The following SYTL2 variants were observed in gnomAD, a reference collection of about 807,000 sequenced individuals.
SYTL2 encodes the protein synaptotagmin-like protein 2.
In SYTL2, 165 loss-of-function variants were observed where a neutral mutation model predicts 198.7. That is an observed-to-expected ratio of 0.83 (90% CI 0.73 to 0.94). The LOEUF (loss-of-function observed/expected upper bound fraction) is 0.94, where lower values mean the gene tolerates loss of function less well. SYTL2 is among the 40% of genes least tolerant of loss of function. SYTL2 has a pLI of 0.00. For missense variants in SYTL2, 2,835 were observed against 2,582.8 expected (o/e 1.10, Z -2.12); for synonymous variants, 966 against 917.7 (o/e 1.05, Z -0.95).
intron 17 of SYTL2, among the ~76,000 whole-genome samples, chr11:85,699,578 C>T (rs1264460463): frequency 6.6e-6 from 1 of 151,140 alleles, no homozygotes; most frequent in Non-Finnish European, 1.5e-5. Context: ...TTTTGGGGGG[C>T]GGGGGGCGGT....
the SYTL2 span, among the ~76,000 whole-genome samples, chr11:85,847,433 A>C: frequency 2.0e-5 from 3 of 151,940 alleles, no homozygotes; most frequent in Admixed American, 6.6e-5. Flanking sequence ...TTTTTTATTA[A>C]GTAGTATTAC....
the SYTL2 span, among the ~76,000 whole-genome samples, chr11:85,837,290 C>A: frequency 6.6e-6 from 1 of 152,072 alleles, no homozygotes; most frequent in African/African-American, 2.4e-5. Context: ...AGAGTGTGGC[C>A]CAATTCAGTA....
At chr11:85,717,866 A>G (rs369725106) in intron 10 of SYTL2, 1 of 337,730 alleles carries the variant, frequency 3.0e-6, no homozygotes, top group South Asian at 2.5e-5. Context: ...GACTAACTAT[A>G]GGATCTTAGA....
upstream of SYTL2, among the ~76,000 whole-genome samples, chr11:85,816,079 C>T (rs1007580965): frequency 6.6e-6 from 1 of 152,044 alleles, no homozygotes; most frequent in Non-Finnish European, 1.5e-5. Flanking sequence ...GCAGGAGAAT[C>T]GCTTGAACCT....
chr11:85,731,439 A>G (rs1051544956), intron 7 of SYTL2, among the ~76,000 whole-genome samples: 1 of 152,182 alleles, frequency 6.6e-6, no homozygotes, highest in Non-Finnish European at 1.5e-5. Context: ...ACATATCTAC[A>G]ACCATCTGAT....
chr11:85,818,775 T>C, the SYTL2 span, among the ~76,000 whole-genome samples: 60 of 152,222 alleles, frequency 3.9e-4, 1 homozygote, highest in East Asian at 8.7e-3. Flanking sequence ...ACTGCAGCCT[T>C]GACCTCCCGA....
intron 6 of SYTL2, 66 bp from the exon 7 acceptor site, chr11:85,734,808 CAT>C (rs2090176976): frequency 1.7e-6 from 2 of 1,204,040 alleles, no homozygotes; most frequent in African/African-American, 3.1e-5. Flanking sequence ...AAATACCTGT[CAT>C]AAACTTAACC....
At chr11:85,743,227 C>T (rs2090927538) in intron 4 of SYTL2, among the ~76,000 whole-genome samples, 1 of 152,148 alleles carries the variant, frequency 6.6e-6, no homozygotes, top group African/African-American at 2.4e-5. Context: ...ACTTAACACA[C>T]CCAGTTCACA....
At chr11:85,735,858 A>G (rs1295106083) in intron 6 of SYTL2, among the ~76,000 whole-genome samples, 2 of 152,170 alleles carry the variant, frequency 1.3e-5, no homozygotes, top group African/African-American at 4.8e-5. Context: ...AGTGGAAAGT[A>G]TTTTAATATT....
intron 1 of SYTL2, among the ~76,000 whole-genome samples, chr11:85,793,591 T>C (rs183824007): frequency 9.3e-4 from 141 of 152,354 alleles, no homozygotes; most frequent in Admixed American, 2.6e-3. Context: ...CAAACTCTGA[T>C]AACATCCATG....
chr11:85,729,147 T>C (rs1304490057), intron 7 of SYTL2, among the ~76,000 whole-genome samples: 1 of 152,140 alleles, frequency 6.6e-6, no homozygotes, highest in Non-Finnish European at 1.5e-5. Flanking sequence ...AGTGGGAGAC[T>C]TTAACACCCC....
the SYTL2 span, among the ~76,000 whole-genome samples, chr11:85,839,598 T>C: frequency 2.0e-5 from 3 of 152,358 alleles, no homozygotes; most frequent in South Asian, 2.1e-4. Context: ...GTTTCATCCA[T>C]GTTGCTGCAA....
chr11:85,765,811 A>G (rs1050569639), intron 1 of SYTL2, among the ~76,000 whole-genome samples: 1 of 152,080 alleles, frequency 6.6e-6, no homozygotes, highest in Non-Finnish European at 1.5e-5. Flanking sequence ...TAACAATAAC[A>G]TCCCTGGGTT....
Position 85,700,534 on chromosome 11 carries a change from A to G in SYTL2, c.6249T>C (p.Tyr2083=). The G allele has an allele frequency of 6.2e-7, 1 of 1,613,916 alleles. No individual in the cohort carries two copies. The highest frequency in any genetic ancestry group is 8.5e-7 in the Non-Finnish European group (1 of 1,179,822). The change falls in exon 17 of 20, where the codon TAT becomes TAC. Residue 2083 remains tyrosine, a synonymous_variant. Coordinates refer to ENST00000359152, the MANE Select transcript of SYTL2 (RefSeq NM_206927.4). ...NRGEMKLALQ[Y]VPEPVPGKKL... ...ACATACCAGGGACTGGCTCTGGGACATACTGGAGAGCTAGTTTCATTTCAC... is the reference window on the plus strand; with the variant it reads ...ACATACCAGGGACTGGCTCTGGGACGTACTGGAGAGCTAGTTTCATTTCAC...
At chr11:85,771,822 TGAATCACCAC>T in intron 1 of SYTL2, among the ~76,000 whole-genome samples, 1 of 152,288 alleles carries the variant, frequency 6.6e-6, no homozygotes, top group African/African-American at 2.4e-5. Flanking sequence ...CCCTCTTTGC[TGAATCACCAC>T]AGGGAGCTGA....
the SYTL2 span, among the ~76,000 whole-genome samples, chr11:85,829,388 T>C: frequency 6.6e-6 from 1 of 152,210 alleles, no homozygotes; most frequent in East Asian, 1.9e-4. Context: ...GATTTTGTTC[T>C]TTTTTATGGC....
the SYTL2 span, chr11:85,854,021 G>C: frequency 1.3e-5 from 2 of 152,016 alleles, no homozygotes; most frequent in Middle Eastern, 3.4e-3. Context: ...ATTTTTCGTA[G>C]AGATGGGGTT....
chr11:85,733,509 T>C (rs1476852948), intron 7 of SYTL2: 1 of 154,724 alleles, frequency 6.5e-6, no homozygotes, highest in Admixed American at 6.4e-5. Context: ...GTCTGAATTG[T>C]AGATGGAATG....
intron 4 of SYTL2, among the ~76,000 whole-genome samples, chr11:85,739,898 C>G (rs181238453): frequency 1.8e-4 from 27 of 152,256 alleles, no homozygotes; most frequent in African/African-American, 5.8e-4. Context: ...GGACTGGAGG[C>G]AAGTCTGGGT....
Sources: allele counts gnomAD v4.1 joint callset (sites outside exome capture counted in the v4.1 genomes callset), GRCh38; gene constraint gnomAD v4.1.1; transcripts MANE v1.5; gene names NCBI Gene and HGNC (gene_info 2026-07-23, HGNC 2026-07-21).